Variants in CNTN4 observed in about 807,000 individuals in gnomAD.
The protein encoded by CNTN4 is contactin 4.
CNTN4 carries 77 observed loss-of-function variants against 122.5 expected under a neutral mutation model. That is an observed-to-expected ratio of 0.63 (90% CI 0.52 to 0.76). CNTN4 has a LOEUF of 0.76. CNTN4 is among the 30% of genes least tolerant of loss of function. The pLI, the probability that CNTN4 is intolerant of heterozygous loss-of-function variation, is 0.00. For synonymous variants in CNTN4, 512 were observed against 447.0 expected, an observed-to-expected ratio of 1.15 and a Z score of -1.83; for missense variants, 1,256 against 1,259.1, an observed-to-expected ratio of 1.00 and a Z score of 0.04.
At chr3:2,430,766 CAT>C (rs2048039090) in intron 3 of CNTN4, among the ~76,000 whole-genome samples, 2 of 152,050 alleles carry the variant, frequency 1.3e-5, no homozygotes, top group South Asian at 4.1e-4. Flanking sequence ...TATTATTCTA[CAT>C]GTGTTGTTAT....
At chr3:2,498,848 G>A (rs2076521651) in intron 3 of CNTN4, among the ~76,000 whole-genome samples, 2 of 151,828 alleles carry the variant, frequency 1.3e-5, no homozygotes, top group Admixed American at 1.3e-4. Context: ...GGAGTGCAGT[G>A]GTGTGATCTC....
At chr3:2,276,374 A>C (rs950824429) in intron 2 of CNTN4, among the ~76,000 whole-genome samples, 1 of 152,000 alleles carries the variant, frequency 6.6e-6, no homozygotes, top group Admixed American at 6.6e-5. Context: ...GGGTTTCACC[A>C]CGTTGGCCAG....
intron 4 of CNTN4, among the ~76,000 whole-genome samples, chr3:2,704,724 T>A (rs1411134730): frequency 1.3e-5 from 2 of 152,162 alleles, no homozygotes; most frequent in African/African-American, 4.8e-5. Flanking sequence ...CATGAATAGG[T>A]TCACATTTTT....
intron 2 of CNTN4, among the ~76,000 whole-genome samples, chr3:2,191,747 A>G (rs1259011543): frequency 6.6e-6 from 1 of 151,192 alleles, no homozygotes; most frequent in East Asian, 2.0e-4. Flanking sequence ...TATATTTATT[A>G]TACTTTAAGT....
chr3:2,142,118 G>C (rs890007906), intron 2 of CNTN4, among the ~76,000 whole-genome samples: 1 of 152,188 alleles, frequency 6.6e-6, no homozygotes, highest in Non-Finnish European at 1.5e-5. Context: ...CTTTGGTTTA[G>C]CATGGGGCTA....
intron 10 of CNTN4, among the ~76,000 whole-genome samples, chr3:2,899,652 G>T (rs1484180910): frequency 6.6e-6 from 1 of 152,132 alleles, no homozygotes; most frequent in African/African-American, 2.4e-5. Flanking sequence ...TGACTTCAAT[G>T]AAGTACAGAA....
At position 2,403,060 on chromosome 3, in the gene CNTN4, T is replaced by A. The variant is rs541608284; in HGVS notation, c.-89+63827T>A. Reference sequence around the variant, plus strand: ...TTGAGGTCTGTGAGAATCTGTCCCATGCCTTTCTTCTAGCTTTGGGTGGTT... The same window carrying A: ...TTGAGGTCTGTGAGAATCTGTCCCAAGCCTTTCTTCTAGCTTTGGGTGGTT... On this transcript the variant is annotated intron_variant, in intron 3 of 24. Transcript: ENST00000418658. Among the ~76,000 whole-genome samples the A allele has an allele frequency of 3.2e-4, 48 of 152,214 alleles. No homozygotes were observed. In the South Asian group the frequency reaches 1.0e-2, roughly 32 times the overall value.
intron 14 of CNTN4, among the ~76,000 whole-genome samples, chr3:2,993,454 C>A (rs554891685): frequency 6.6e-6 from 1 of 151,596 alleles, no homozygotes; most frequent in Admixed American, 6.6e-5. Context: ...GATGCCACGA[C>A]GCCCAGCTAA....
intron 3 of CNTN4, among the ~76,000 whole-genome samples, chr3:2,390,085 A>G (rs2046388502): frequency 6.6e-6 from 1 of 152,118 alleles, no homozygotes; most frequent in South Asian, 2.1e-4. Flanking sequence ...ATACATGTTT[A>G]TTTTCAGATG....
intron 2 of CNTN4, among the ~76,000 whole-genome samples, chr3:2,249,050 T>A (rs2040264790): frequency 6.6e-6 from 1 of 151,982 alleles, no homozygotes; most frequent in African/African-American, 2.4e-5. Flanking sequence ...TAAAAAATTG[T>A]ACCCTGACCT....
At chr3:2,104,065 T>C (rs1377132394) in intron 2 of CNTN4, among the ~76,000 whole-genome samples, 1 of 152,238 alleles carries the variant, frequency 6.6e-6, no homozygotes, top group African/African-American at 2.4e-5. Flanking sequence ...CTTCTTACCA[T>C]GTAGGTAGGC....
At chr3:2,647,034 G>A (rs1427184220) in intron 4 of CNTN4, among the ~76,000 whole-genome samples, 1 of 152,138 alleles carries the variant, frequency 6.6e-6, no homozygotes, top group Non-Finnish European at 1.5e-5. Flanking sequence ...AGACCCTGAA[G>A]CTCTGTTTTC....
intron 4 of CNTN4, among the ~76,000 whole-genome samples, chr3:2,669,571 G>GT (rs1337724468): frequency 1.3e-5 from 2 of 151,900 alleles, no homozygotes; most frequent in African/African-American, 4.8e-5. Context: ...TTTTTGAACG[G>GT]TTTTTTGTGT....
chr3:2,378,984 C>T (rs757313154), intron 3 of CNTN4, among the ~76,000 whole-genome samples: 6 of 152,168 alleles, frequency 3.9e-5, no homozygotes, highest in Non-Finnish European at 8.8e-5. Flanking sequence ...TCACCATCCA[C>T]ACTTCAACAA....
chr3:2,188,600 G>A (rs1469346218), intron 2 of CNTN4, among the ~76,000 whole-genome samples: 1 of 152,132 alleles, frequency 6.6e-6, no homozygotes, highest in East Asian at 1.9e-4. Flanking sequence ...CCATTTCTGG[G>A]TTCTAGGGAG....
intron 13 of CNTN4, among the ~76,000 whole-genome samples, chr3:2,984,066 A>C (rs1282473101): frequency 7.3e-6 from 1 of 136,182 alleles, no homozygotes; most frequent in East Asian, 2.0e-4. Context: ...TAAAATGAAT[A>C]GTATAATAGT....
chr3:2,753,993 A>T (rs2090216058), intron 6 of CNTN4, among the ~76,000 whole-genome samples: 1 of 152,216 alleles, frequency 6.6e-6, no homozygotes, highest in Non-Finnish European at 1.5e-5. Context: ...AATTTATTGC[A>T]AGTAGGCTGT....
chr3:2,254,798 A>G (rs2040512571), intron 2 of CNTN4, among the ~76,000 whole-genome samples: 1 of 152,006 alleles, frequency 6.6e-6, no homozygotes, highest in Non-Finnish European at 1.5e-5. Flanking sequence ...CCTTTGTCAG[A>G]TGGTGGATTA....
Position 2,866,848 on chromosome 3 carries a change from T to C in CNTN4, c.551T>C (p.Val184Ala). ...QETGNLYIAKVEKSDVGNYTC... is the reference protein window; with the variant it reads ...QETGNLYIAKAEKSDVGNYTC... ...ACTGGGAATCTGTATATTGCCAAAG[T>C]AGAAAAATCAGATGTTGGGAATTAT... Residue 184 changes from valine to alanine, a missense_variant, in exon 8 of 25, where the codon GTA (valine) becomes GCA (alanine). By Grantham distance (64) the Val-to-Ala change is moderately conservative. Coordinates refer to ENST00000418658, the MANE Select transcript of CNTN4 (RefSeq NM_175607.3). 6.2e-7 allele frequency: 1 copy of C among 1,613,992 alleles called. No homozygotes were observed. The highest frequency in any genetic ancestry group is 8.5e-7 in the Non-Finnish European group (1 of 1,179,918).
Sources: gnomAD v4.1 joint callset for allele counts (sites outside exome capture counted in the v4.1 genomes callset) on GRCh38, gnomAD v4.1.1 for gene constraint, MANE v1.5 for transcripts, NCBI Gene and HGNC (gene_info 2026-07-23, HGNC 2026-07-21) for gene names.